Variants in ASTN2 observed in about 807,000 individuals in gnomAD.
The protein encoded by ASTN2 is astrotactin-2.
ASTN2 carries 54 observed loss-of-function variants against 139.8 expected under a neutral mutation model. The observed-to-expected ratio is 0.39, with a 90% confidence interval of 0.31 to 0.48. ASTN2 has a LOEUF of 0.48. Among genes scored for constraint, ASTN2 ranks in the 20% least tolerant of loss-of-function variants. ASTN2 has a pLI of 0.95. For synonymous variants in ASTN2, 756 were observed against 719.5 expected (o/e 1.05, Z -0.81); for missense variants, 1,565 against 1,725.1 (o/e 0.91, Z 1.64).
chr9:116,760,344 C>T (rs1261569403), intron 13 of ASTN2, among the ~76,000 whole-genome samples: 1 of 152,156 alleles, frequency 6.6e-6, no homozygotes, highest in Non-Finnish European at 1.5e-5. Context: ...CACTTGGTGG[C>T]CACATAATAT....
chr9:117,212,003 A>G (rs1298042017), intron 3 of ASTN2, among the ~76,000 whole-genome samples: 2 of 152,200 alleles, frequency 1.3e-5, no homozygotes, highest in Non-Finnish European at 2.9e-5. Context: ...AAAATATACT[A>G]CAAAGCTGTA....
intron 11 of ASTN2, among the ~76,000 whole-genome samples, chr9:116,826,506 G>A (rs1269575488): frequency 5.3e-5 from 8 of 152,146 alleles, no homozygotes; most frequent in African/African-American, 1.9e-4. Flanking sequence ...ACCCTGCTAT[G>A]GGTGGCTGCG....
chr9:116,750,664 T>C (rs750908086), intron 13 of ASTN2, among the ~76,000 whole-genome samples: 3 of 152,176 alleles, frequency 2.0e-5, no homozygotes, highest in Non-Finnish European at 4.4e-5. Flanking sequence ...TCTGCAACAC[T>C]GCACTAATGA....
rs1306819504 is a variant in ASTN2, at chr9:117,224,439, C to CTT, written c.631-9698_631-9697insAA. On this transcript the variant is annotated intron_variant, in intron 2 of 22. Transcript: ENST00000313400. ...AGTAGTGGTGAAACCACTACTTCCCCTCCACTATACAATCAGATATTCTCT... is the reference window on the plus strand; with the variant it reads ...AGTAGTGGTGAAACCACTACTTCCCCTTTCCACTATACAATCAGATATTCTCT... 5.7e-3 allele frequency among the ~76,000 whole-genome samples: 875 copies of CTT among 152,234 alleles called. 6 individuals carry two copies. The highest frequency in any genetic ancestry group is 0.02 in the African/African-American group (843 of 41,558).
At chr9:117,378,391 T>C (rs1406880156) in intron 1 of ASTN2, among the ~76,000 whole-genome samples, 3 of 152,168 alleles carry the variant, frequency 2.0e-5, no homozygotes, top group Non-Finnish European at 2.9e-5. Context: ...CTGGGAATAA[T>C]GTGTTGTGGT....
chr9:116,855,114 C>T (rs1330997349), intron 11 of ASTN2, among the ~76,000 whole-genome samples: 1 of 151,912 alleles, frequency 6.6e-6, no homozygotes, highest in Non-Finnish European at 1.5e-5. Context: ...ATCCAAGTCC[C>T]AACGAAATAA....
intron 5 of ASTN2, among the ~76,000 whole-genome samples, chr9:117,050,598 T>G (rs143510052): frequency 6.6e-6 from 1 of 152,152 alleles, no homozygotes; most frequent in Non-Finnish European, 1.5e-5. Context: ...AAGGGTTTAA[T>G]TGACTAGTAA....
intron 5 of ASTN2, among the ~76,000 whole-genome samples, chr9:117,071,208 T>G (rs1466426752): frequency 2.2e-4 from 34 of 151,720 alleles, no homozygotes; most frequent in African/African-American, 5.8e-4. Flanking sequence ...GTCCTTTCTG[T>G]TTGTTAGTTT....
intron 10 of ASTN2, among the ~76,000 whole-genome samples, chr9:116,955,812 T>C (rs1316455574): frequency 6.6e-6 from 1 of 152,224 alleles, no homozygotes; most frequent in Non-Finnish European, 1.5e-5. Context: ...GTCATTTATT[T>C]TTTTTCAGTG....
At chr9:116,684,372 T>C (rs918398312) in intron 16 of ASTN2, among the ~76,000 whole-genome samples, 8 of 152,218 alleles carry the variant, frequency 5.3e-5, no homozygotes, top group African/African-American at 1.7e-4. Context: ...AGAGAAATTA[T>C]GCTTCAAGAG....
At chr9:117,027,229 C>A (rs1838114433) in intron 6 of ASTN2, among the ~76,000 whole-genome samples, 1 of 152,142 alleles carries the variant, frequency 6.6e-6, no homozygotes, top group Non-Finnish European at 1.5e-5. Flanking sequence ...ACACTGGTAG[C>A]ATCTATTATC....
intron 16 of ASTN2, among the ~76,000 whole-genome samples, chr9:116,652,603 A>G (rs2131931581): frequency 6.6e-6 from 1 of 152,270 alleles, no homozygotes; most frequent in South Asian, 2.1e-4. Context: ...GCTTGAAAAT[A>G]CCTCTGCAAC....
At chr9:117,104,963 G>A (rs992561791) in intron 4 of ASTN2, among the ~76,000 whole-genome samples, 23 of 152,108 alleles carry the variant, frequency 1.5e-4, no homozygotes, top group African/African-American at 4.3e-4. Context: ...AACTACTTAC[G>A]AGGGAGAAGC....
chr9:116,615,601 C>T (rs1855804448), intron 19 of ASTN2, among the ~76,000 whole-genome samples: 1 of 151,982 alleles, frequency 6.6e-6, no homozygotes, highest in Admixed American at 6.6e-5. Context: ...TGGAAACCAT[C>T]ATTCTCAGCA....
chr9:117,358,797 C>T (rs1829616456), intron 1 of ASTN2, among the ~76,000 whole-genome samples: 1 of 152,068 alleles, frequency 6.6e-6, no homozygotes, highest in Non-Finnish European at 1.5e-5. Context: ...TCAAACAGAT[C>T]CCTTACCTCT....
In ASTN2 at chr9:117,192,391, G is replaced by GAAAAAAAAAAA. The variant is rs56332042; in HGVS notation, c.1015+21966_1015+21967insTTTTTTTTTTT. On this transcript the variant is annotated intron_variant, in intron 3 of 22. Transcript: ENST00000313400. ...ATTTGGTTTGTCAATCAGTGGCAAAGAAAAAAAAGAAAACTCAATTCTGAA... is the reference window on the plus strand; with the variant it reads ...ATTTGGTTTGTCAATCAGTGGCAAAGAAAAAAAAAAAAAAAAAAAGAAAACTCAATTCTGAA... Among the ~76,000 whole-genome samples, 6 of 149,530 alleles carry GAAAAAAAAAAA rather than the reference G, an allele frequency of 4.0e-5. No homozygotes were observed. The South Asian group carries it at 6.3e-4, about 16-fold the overall frequency.
rs753733923 is a variant in ASTN2 at position 116,698,742 on chromosome 9, G to A, written c.2806+27029C>T. 6.2e-7 allele frequency: 1 copy of A among 1,614,160 alleles called. No individual in the cohort carries two copies. Among genetic ancestry groups the A allele is most frequent in the South Asian group, 1.1e-5 (1 of 91,086 alleles). ...GGACATGAGCCCGGAGGAAGTGGTT[G>A]CCAGCCCTAGGGCCTCACCTGCTAA... On this transcript the variant is annotated intron_variant, in intron 16 of 22. Coordinates refer to ENST00000313400, the MANE Select transcript of ASTN2 (RefSeq NM_001365068.1). This position sits in a 1 kb window ranked among gnomAD's most constrained non-coding sequence, Gnocchi z 4.4.
chr9:116,529,472 G>A (rs182154117), intron 19 of ASTN2, among the ~76,000 whole-genome samples: 95 of 152,240 alleles, frequency 6.2e-4, no homozygotes, highest in African/African-American at 2.2e-3. Context: ...ATAGGCAGAA[G>A]GGACTTTCTT....
chr9:117,291,594 A>G, intron 1 of ASTN2, 81 bp from the exon 2 acceptor site: 5 of 1,360,718 alleles, frequency 3.7e-6, no homozygotes, highest in Non-Finnish European at 5.0e-6. Context: ...CCACATAATC[A>G]GGAGCTCAGA....
Sources: allele counts gnomAD v4.1 joint callset (sites outside exome capture counted in the v4.1 genomes callset), GRCh38; gene constraint gnomAD v4.1.1; non-coding constraint Gnocchi (gnomAD v3.1); transcripts MANE v1.5; gene names NCBI Gene and HGNC (gene_info 2026-07-23, HGNC 2026-07-21).